SRRM4: variants seen among roughly 807,000 people sequenced by gnomAD.
SRRM4 encodes serine/arginine repetitive matrix protein 4.
Under a neutral mutation model 68.9 loss-of-function variants are expected in SRRM4, and 33 were observed. The ratio of observed to expected loss-of-function variants is 0.48; its 90% confidence interval spans 0.36 to 0.64. The LOEUF is 0.64. SRRM4 is among the 30% of genes least tolerant of loss of function. The pLI, the probability that SRRM4 is intolerant of heterozygous loss-of-function variation, is 0.00. For missense variants in SRRM4, 817 were observed against 827.1 expected, an observed-to-expected ratio of 0.99 and a Z score of 0.15; for synonymous variants, 318 against 318.8, an observed-to-expected ratio of 1.00 and a Z score of 0.03.
At chr12:119,092,413 A>G (rs1011840337) in intron 1 of SRRM4, among the ~76,000 whole-genome samples, 1 of 151,856 alleles carries the variant, frequency 6.6e-6, no homozygotes, top group Non-Finnish European at 1.5e-5. Flanking sequence ...TCTAACTGGC[A>G]TCTCAAAAAC....
intron 1 of SRRM4, among the ~76,000 whole-genome samples, chr12:119,061,826 G>A (rs561716247): frequency 1.3e-5 from 2 of 151,788 alleles, no homozygotes; most frequent in Non-Finnish European, 2.9e-5. Context: ...CCCTGGCCTC[G>A]ACACACTAGA....
Position 119,117,021 on chromosome 12 carries a change from T to C in SRRM4, c.437+13T>C. ...ACAAGCGACGCAGGTATTGTCCTTT[T>C]TCTCTGCAAACAAGACCTCCCCAGG... On this transcript the variant is annotated intron_variant, in intron 4 of 12. Coordinates refer to ENST00000267260, the MANE Select transcript of SRRM4 (RefSeq NM_194286.4). The C allele has an allele frequency of 6.2e-7, 1 of 1,613,524 alleles. No individual in the cohort carries two copies. Among genetic ancestry groups the C allele is most frequent in the Non-Finnish European group, 8.5e-7 (1 of 1,179,600 alleles).
intron 1 of SRRM4, among the ~76,000 whole-genome samples, chr12:119,049,844 A>G (rs1180303833): frequency 6.6e-6 from 1 of 152,124 alleles, no homozygotes; most frequent in Non-Finnish European, 1.5e-5. Flanking sequence ...TCTGTGTCCT[A>G]ACCTCCTACT....
At chr12:119,128,925 C>A (rs1198242397) in intron 7 of SRRM4, among the ~76,000 whole-genome samples, 1 of 152,232 alleles carries the variant, frequency 6.6e-6, no homozygotes, top group Non-Finnish European at 1.5e-5. Context: ...CCAGTGCCTA[C>A]TGAGCTGAGG....
intron 1 of SRRM4, among the ~76,000 whole-genome samples, chr12:119,071,633 A>T (rs1279344767): frequency 6.6e-6 from 1 of 152,164 alleles, no homozygotes; most frequent in Non-Finnish European, 1.5e-5. Flanking sequence ...CACCTGAAAG[A>T]ATTCCTTCAG....
chr12:118,992,598 C>CA (rs2135989906), intron 1 of SRRM4, among the ~76,000 whole-genome samples: 1 of 152,330 alleles, frequency 6.6e-6, no homozygotes, highest in South Asian at 2.1e-4. Context: ...AGCAGTGGTG[C>CA]AGGATTTATC....
At chr12:119,122,640 A>G (rs1358141667) in intron 6 of SRRM4, among the ~76,000 whole-genome samples, 2 of 152,214 alleles carry the variant, frequency 1.3e-5, no homozygotes, top group Non-Finnish European at 2.9e-5. Flanking sequence ...TGCCTACACC[A>G]ATGCATTTGT....
At chr12:119,104,171 G>A (rs543757001) in intron 2 of SRRM4, among the ~76,000 whole-genome samples, 1 of 152,284 alleles carries the variant, frequency 6.6e-6, no homozygotes, top group African/African-American at 2.4e-5. Context: ...AGGTCAGGAT[G>A]AGGATTAAGT....
At chr12:119,146,164 A>C (rs1457368341) in intron 9 of SRRM4, among the ~76,000 whole-genome samples, 2 of 152,216 alleles carry the variant, frequency 1.3e-5, no homozygotes, top group Admixed American at 1.3e-4. Context: ...GTCAGATGCC[A>C]TCACTAGGGC....
chr12:119,077,815 T>A (rs1211320994), intron 1 of SRRM4, among the ~76,000 whole-genome samples: 1 of 152,154 alleles, frequency 6.6e-6, no homozygotes, highest in African/African-American at 2.4e-5. Context: ...ATTTAATGAG[T>A]GGTCCAACAA....
Position 119,154,418 on chromosome 12 carries a change from C to A in SRRM4, c.1532+35C>A. 6.2e-7 allele frequency: 1 copy of A among 1,605,766 alleles called. No individual in the cohort carries two copies. Among genetic ancestry groups the A allele is most frequent in the Non-Finnish European group, 8.5e-7 (1 of 1,175,788 alleles). ...GGGGGCAAGGGGGACCCACCTTCATCCTCGTTCCCACTCCCATTCTTACTC... is the reference window on the plus strand; with the variant it reads ...GGGGGCAAGGGGGACCCACCTTCATACTCGTTCCCACTCCCATTCTTACTC... On this transcript the variant is annotated intron_variant, in intron 12 of 12. Coordinates refer to ENST00000267260, the MANE Select transcript of SRRM4 (RefSeq NM_194286.4). This position sits in a 1 kb window ranked among gnomAD's most constrained non-coding sequence, Gnocchi z 4.7.
At chr12:119,153,730 C>G in intron 11 of SRRM4, 81 bp downstream of exon 11, 1 of 1,030,334 alleles carries the variant, frequency 9.7e-7, no homozygotes, top group Non-Finnish European at 1.4e-6. Flanking sequence ...CCCGCCTCCC[C>G]GTTCTCGGGC....
At chr12:118,990,644 A>C (rs774343149) in intron 1 of SRRM4, among the ~76,000 whole-genome samples, 2 of 152,134 alleles carry the variant, frequency 1.3e-5, no homozygotes, top group African/African-American at 4.8e-5. Context: ...AGTAACTGCC[A>C]TTGTTATAAT....
At position 119,036,321 on chromosome 12, in the gene SRRM4, G is replaced by T. The variant is rs996082275; in HGVS notation, c.131+54308G>T. On this transcript the variant is annotated intron_variant, in intron 1 of 12. Transcript: ENST00000267260. ...TTGATCTCAATGTCTTTGATAGCCC[G>T]CTCTGGCTTCCAGGCAGGTGTTTGT... 2.0e-5 allele frequency among the ~76,000 whole-genome samples: 3 copies of T among 152,092 alleles called. No homozygotes were observed. In the East Asian group the frequency reaches 5.8e-4, roughly 29 times the overall value.
intron 1 of SRRM4, among the ~76,000 whole-genome samples, chr12:119,074,472 G>A (rs181929333): frequency 5.9e-4 from 90 of 152,250 alleles, no homozygotes; most frequent in South Asian, 1.0e-3. Flanking sequence ...AAGCCTTGTG[G>A]TAAGGCTACA....
chr12:119,156,839 G>T lies in SRRM4; in HGVS notation c.*41G>T. The T allele has an allele frequency of 6.8e-7, 1 of 1,480,628 alleles. No individual in the cohort carries two copies. The highest frequency in any genetic ancestry group is 1.3e-5 in the South Asian group (1 of 74,076). The allele number at this position is 1,480,628 out of a possible 1,614,324, so 91.7% of individuals were successfully genotyped here. On this transcript the variant is annotated 3_prime_UTR_variant, in exon 13 of 13. Coordinates refer to ENST00000267260, the MANE Select transcript of SRRM4 (RefSeq NM_194286.4). ...CTGCCCGTGGGGGCCCCTTCGCGCTGCCAGCCTCCCCCAACCACCTGCCCT... is the reference window on the plus strand; with the variant it reads ...CTGCCCGTGGGGGCCCCTTCGCGCTTCCAGCCTCCCCCAACCACCTGCCCT...
chr12:119,047,059 C>G (rs1364229700), intron 1 of SRRM4, among the ~76,000 whole-genome samples: 2 of 148,752 alleles, frequency 1.3e-5, no homozygotes, highest in African/African-American at 2.5e-5. Flanking sequence ...AGTGTGGACT[C>G]TGTCTTCACA....
chr12:119,019,457 C>CT (rs1953501031), intron 1 of SRRM4, among the ~76,000 whole-genome samples: 1 of 152,088 alleles, frequency 6.6e-6, no homozygotes. Flanking sequence ...AATTCCCCCC[C>CT]TCAAGCATTT....
intron 1 of SRRM4, among the ~76,000 whole-genome samples, chr12:119,086,040 C>T (rs752401260): frequency 6.6e-6 from 1 of 152,098 alleles, no homozygotes; most frequent in Non-Finnish European, 1.5e-5. Flanking sequence ...AAAGAGATGA[C>T]CAGGAAGGCC....
Sources: allele counts gnomAD v4.1 joint callset (sites outside exome capture counted in the v4.1 genomes callset), GRCh38; gene constraint gnomAD v4.1.1; non-coding constraint Gnocchi (gnomAD v3.1); transcripts MANE v1.5; gene names NCBI Gene and HGNC (gene_info 2026-07-23, HGNC 2026-07-21).